PREPL: variants seen among roughly 807,000 people sequenced by gnomAD.
PREPL encodes the protein prolyl endopeptidase like, also known as prolyl endopeptidase-like.
Under a neutral mutation model 70.6 loss-of-function variants are expected in PREPL, and 77 were observed. The observed-to-expected ratio is 1.09, with a 90% CI of 0.91 to 1.32. The LOEUF is 1.32. Among genes scored for constraint, PREPL ranks in the 40% most tolerant of loss-of-function variants. The pLI is 0.00. For missense variants in PREPL, 1,002 were observed against 778.2 expected (o/e 1.29, Z -3.42); for synonymous variants, 315 against 264.8 (o/e 1.19, Z -1.84).
At chr2:44,351,452 C>T (rs188848354) in intron 1 of PREPL, among the ~76,000 whole-genome samples, 8 of 151,632 alleles carry the variant, frequency 5.3e-5, no homozygotes, top group African/African-American at 1.9e-4. Context: ...ACTTAGATGT[C>T]TAATATGCCA....
In PREPL at chr2:44,346,852, T is replaced by C. The variant is rs1336344691; in HGVS notation, c.-48-462A>G. ...TCAAAGAAGTGGAAGACATTATCAC[T>C]ACTAATAAATGTTCACTATTATTTT... is the stretch of plus-strand genomic sequence containing the variant. On this transcript the variant is annotated intron_variant, in intron 1 of 13. Transcript: ENST00000409411. Among the ~76,000 whole-genome samples, 3 of 152,144 alleles carry C rather than the reference T, an allele frequency of 2.0e-5. No individual in the cohort carries two copies. In the East Asian group the frequency reaches 5.8e-4, roughly 29 times the overall value.
Position 44,328,987 on chromosome 2 carries a change from C to T in PREPL, c.1212G>A (p.Glu404=), listed in dbSNP as rs1376764757. 6.2e-7 allele frequency: 1 copy of T among 1,614,116 alleles called. No individual in the cohort carries two copies. The highest frequency in any genetic ancestry group is 8.5e-7 in the Non-Finnish European group (1 of 1,180,014). ...GMDLKMNFRP[E]RRVLVDDGWI... is the part of the protein sequence containing the mutation. Reference sequence around the variant, plus strand: ...ATCCATCATCCACCAGGACCCGCCTCTCAGGCCTGAAATTCATTTTCAAAT... The same window carrying T: ...ATCCATCATCCACCAGGACCCGCCTTTCAGGCCTGAAATTCATTTTCAAAT... Residue 404 remains glutamate (E), a synonymous_variant, in exon 9 of 14, where the codon GAG becomes GAA. Transcript: ENST00000409411.
At chr2:44,332,096 G>A (rs10185125) in intron 8 of PREPL, among the ~76,000 whole-genome samples, 87,102 of 151,568 alleles carry the variant, frequency 0.57, 26,271 homozygotes, top group Non-Finnish European at 0.68. Flanking sequence ...ACAGGCGCCC[G>A]CCACCATGCC....
In PREPL at chr2:44,320,997, T is replaced by A; in HGVS notation, c.*359A>T. 1 of 387,844 alleles carries A rather than the reference T, an allele frequency of 2.6e-6. No individual in the cohort carries two copies. Among genetic ancestry groups the A allele is most frequent in the Non-Finnish European group, 4.7e-6 (1 of 211,176 alleles). The allele number at this position is 387,844 out of a possible 1,614,324, so 24.0% of individuals were successfully genotyped here. A position where few individuals can be genotyped will look rare whatever the true frequency, so the allele number is the denominator to read the frequency against. Reference sequence around the variant, plus strand: ...TAGAGGATGACTCACTGCCACAGTGTCTAAAAGCATTTGCTAGCAAAGAGG... The same window carrying A: ...TAGAGGATGACTCACTGCCACAGTGACTAAAAGCATTTGCTAGCAAAGAGG... On this transcript the variant is annotated 3_prime_UTR_variant, in exon 14 of 14. Coordinates refer to ENST00000409411, the MANE Select transcript of PREPL (RefSeq NM_001171613.2).
intron 5 of PREPL, among the ~76,000 whole-genome samples, 200 bp downstream of exon 5, chr2:44,342,217 T>C (rs1458331044): frequency 6.6e-6 from 1 of 152,192 alleles, no homozygotes; most frequent in Non-Finnish European, 1.5e-5. Context: ...AAAATATTAG[T>C]GATATATCTG....
At position 44,323,463 on chromosome 2, in the gene PREPL, G is replaced by A. The variant is rs576689257; in HGVS notation, c.1480-52C>T. The stretch of plus-strand genomic sequence containing the variant: ...CTTCAAGTAAGAGGTTGGTAAGTGA[G>A]TTTCAGAAAAACATTCTATTTTATG... On this transcript the variant is annotated intron_variant, in intron 10 of 13. Coordinates refer to ENST00000409411, the MANE Select transcript of PREPL (RefSeq NM_001171613.2). 4.4e-5 allele frequency: 62 copies of A among 1,424,144 alleles called. No individual in the cohort carries two copies. The African/African-American group carries it at 8.3e-4, about 19-fold the overall frequency. The allele number at this position is 1,424,144 out of a possible 1,614,324, so 88.2% of individuals were successfully genotyped here.
chr2:44,331,046 A>G (rs912636397), intron 8 of PREPL, among the ~76,000 whole-genome samples: 2 of 152,056 alleles, frequency 1.3e-5, no homozygotes, highest in Non-Finnish European at 2.9e-5. Context: ...GGGCTCAAGC[A>G]ATCCTCCCAC....
At chr2:44,337,816 GTGC>G (rs1192517074) in intron 7 of PREPL, among the ~76,000 whole-genome samples, 4 of 152,196 alleles carry the variant, frequency 2.6e-5, no homozygotes, top group Non-Finnish European at 5.9e-5. Context: ...TTAGCCTTCT[GTGC>G]TGCTGTGGAG....
intron 13 of PREPL, 129 bp downstream of exon 13, chr2:44,321,698 T>C: frequency 6.3e-7 from 1 of 1,576,416 alleles, no homozygotes; most frequent in Non-Finnish European, 8.6e-7. Context: ...CCTCCCCTCC[T>C]GGGTCTCACC....
At chr2:44,349,323 A>T (rs1383720950) in intron 1 of PREPL, among the ~76,000 whole-genome samples, 2 of 152,190 alleles carry the variant, frequency 1.3e-5, no homozygotes, top group African/African-American at 4.8e-5. Context: ...TTATGCCAGA[A>T]AATAAGGAAG....
intron 10 of PREPL, among the ~76,000 whole-genome samples, chr2:44,325,802 C>G (rs1673433779): frequency 6.6e-6 from 1 of 152,158 alleles, no homozygotes; most frequent in Admixed American, 6.5e-5. Flanking sequence ...ATAATTTACT[C>G]TCTCCCATCT....
intron 8 of PREPL, among the ~76,000 whole-genome samples, chr2:44,331,428 C>A (rs991789339): frequency 2.0e-5 from 3 of 152,020 alleles, no homozygotes; most frequent in Non-Finnish European, 4.4e-5. Context: ...ATTGGCCAGG[C>A]TGGTCTCGAC....
intron 9 of PREPL, among the ~76,000 whole-genome samples, chr2:44,328,543 G>A (rs956008479): frequency 6.6e-6 from 1 of 150,966 alleles, no homozygotes; most frequent in South Asian, 2.1e-4. Flanking sequence ...CTGTGTTCTA[G>A]AGATGGGGAG....
intron 1 of PREPL, among the ~76,000 whole-genome samples, chr2:44,357,402 G>A (rs904900295): frequency 6.6e-6 from 1 of 152,140 alleles, no homozygotes; most frequent in African/African-American, 2.4e-5. Context: ...ACAGCTGCCG[G>A]GGCATCTTTA....
intron 4 of PREPL, among the ~76,000 whole-genome samples, chr2:44,342,913 T>C (rs1218321288): frequency 6.6e-6 from 1 of 152,196 alleles, no homozygotes; most frequent in East Asian, 1.9e-4. Flanking sequence ...GAAGGAATAT[T>C]GCATCTTTCT....
Position 44,343,852 on chromosome 2 carries a change from A to C in PREPL, c.242T>G (p.Val81Gly). The C allele has an allele frequency of 6.2e-7, 1 of 1,614,054 alleles. No individual in the cohort carries two copies. Among genetic ancestry groups the C allele is most frequent in the Non-Finnish European group, 8.5e-7 (1 of 1,179,912 alleles). ...CIRVAPDEKYVAAKIRTEDSE... is the reference protein window; with the variant it reads ...CIRVAPDEKYGAAKIRTEDSE... Reference sequence around the variant, plus strand: ...ATCTTCAGTTCTTATCTTGGCAGCCACATATTTTTCATCTGGAGCAACTCT... The same window carrying C: ...ATCTTCAGTTCTTATCTTGGCAGCCCCATATTTTTCATCTGGAGCAACTCT... Residue 81 changes from valine to glycine, a missense_variant, in exon 4 of 14, where the codon GTG becomes GGG. Transcript: ENST00000409411.
At chr2:44,323,610 A>T (rs906571407) in intron 10 of PREPL, among the ~76,000 whole-genome samples, 199 bp from the exon 11 acceptor site, 1 of 152,234 alleles carries the variant, frequency 6.6e-6, no homozygotes, top group African/African-American at 2.4e-5. Flanking sequence ...CAGATTCCTT[A>T]AATGACATAT....
intron 2 of PREPL, among the ~76,000 whole-genome samples, 199 bp downstream of exon 2, chr2:44,346,069 C>A (rs1025955234): frequency 1.3e-5 from 2 of 152,026 alleles, no homozygotes; most frequent in African/African-American, 4.8e-5. Flanking sequence ...TCGATCTTTA[C>A]ATTTATTAAA....
In PREPL at chr2:44,320,605, C is replaced by G; in HGVS notation, c.*751G>C. ...TTTGTTTCCAATCGAGCATGCTATT[C>G]CAGTGTACTGAACATACTGTATACC... is the stretch of plus-strand genomic sequence containing the variant. On this transcript the variant is annotated 3_prime_UTR_variant, in exon 14 of 14. Coordinates refer to ENST00000409411, the MANE Select transcript of PREPL (RefSeq NM_001171613.2). 2 of 1,613,954 alleles carry G rather than the reference C, an allele frequency of 1.2e-6. No homozygotes were observed. Among genetic ancestry groups the G allele is most frequent in the Non-Finnish European group, 1.7e-6 (2 of 1,179,908 alleles).
Sources: gnomAD v4.1 joint callset for allele counts (sites outside exome capture counted in the v4.1 genomes callset) on GRCh38, gnomAD v4.1.1 for gene constraint, MANE v1.5 for transcripts, NCBI Gene and HGNC (gene_info 2026-07-23, HGNC 2026-07-21) for gene names.